The following CACNG5 variants were observed in gnomAD, a reference collection of about 807,000 sequenced individuals.
CACNG5 encodes the protein voltage-dependent calcium channel gamma-5 subunit.
CACNG5 carries 18 observed loss-of-function variants against 24.8 expected under a neutral mutation model. The observed-to-expected ratio is 0.73, with a 90% CI of 0.50 to 1.08. The LOEUF (loss-of-function observed/expected upper bound fraction) is 1.08. CACNG5 is among the 50% of genes least tolerant of loss of function. CACNG5 has a pLI of 0.00. For synonymous variants in CACNG5, 157 were observed against 149.1 expected (o/e 1.05, Z -0.39); for missense variants, 349 against 367.9 (o/e 0.95, Z 0.42).
Position 66,885,313 on chromosome 17 carries a change from G to A in CACNG5, c.*73G>A. On this transcript the variant is annotated 3_prime_UTR_variant, in exon 6 of 6. Transcript: ENST00000533854. ...CCTGTTCTCTCCAGGTGACCCCTGA[G>A]CCCCAGGCCTGTGGTTGACAGGCCC... The A allele has an allele frequency of 6.7e-7, 1 of 1,499,132 alleles. No homozygotes were observed. Among genetic ancestry groups the A allele is most frequent in the Non-Finnish European group, 8.8e-7 (1 of 1,130,438 alleles). The allele number at this position is 1,499,132 out of a possible 1,614,324, so 92.9% of individuals were successfully genotyped here.
chr17:66,867,732 T>C (rs1489125864), intron 1 of CACNG5, among the ~76,000 whole-genome samples: 1 of 152,226 alleles, frequency 6.6e-6, no homozygotes, highest in Non-Finnish European at 1.5e-5. Context: ...TAGGGAATCC[T>C]TTCCCCATTG....
intron 1 of CACNG5, among the ~76,000 whole-genome samples, chr17:66,848,611 T>C (rs1369999157): frequency 1.3e-5 from 2 of 152,228 alleles, no homozygotes; most frequent in African/African-American, 4.8e-5. Context: ...TGCTCAGTTT[T>C]GAAGGCGTTT....
intron 1 of CACNG5, among the ~76,000 whole-genome samples, chr17:66,870,748 G>A (rs1417902003): frequency 6.6e-6 from 1 of 152,150 alleles, no homozygotes; most frequent in Non-Finnish European, 1.5e-5. Context: ...AGAGGCCGAG[G>A]CAGGTGAATC....
Position 66,885,033 on chromosome 17 carries a change from G to A in CACNG5, c.621G>A (p.Glu207=). ...VYLFMKRYTA[E]DMYRPHPGFY... Reference sequence around the variant, plus strand: ...TGTTTATGAAGCGGTACACCGCGGAGGACATGTACAGGCCCCACCCTGGCT... The same window carrying A: ...TGTTTATGAAGCGGTACACCGCGGAAGACATGTACAGGCCCCACCCTGGCT... The change falls in exon 6 of 6, where the codon GAG becomes GAA. Residue 207 remains glutamate (E), a synonymous_variant. Transcript: ENST00000533854. 1.2e-6 allele frequency: 2 copies of A among 1,614,190 alleles called. No individual in the cohort carries two copies. Among genetic ancestry groups the A allele is most frequent in the Non-Finnish European group, 8.5e-7 (1 of 1,180,022 alleles).
chr17:66,885,617 A>G lies in CACNG5; in HGVS notation c.*377A>G, dbSNP rs1385574116. The G allele has an allele frequency of 4.6e-6, 1 of 218,606 alleles. No homozygotes were observed. Among genetic ancestry groups the G allele is most frequent in the Non-Finnish European group, 9.0e-6 (1 of 110,906 alleles). The allele number at this position is 218,606 out of a possible 1,614,324, so 13.5% of individuals were successfully genotyped here. On this transcript the variant is annotated 3_prime_UTR_variant, in exon 6 of 6. Coordinates refer to ENST00000533854, the MANE Select transcript of CACNG5 (RefSeq NM_145811.3). ...GCCCTGGGCCAGGGCCAGCTCTGAG[A>G]TGCCAAGCTCCTTACACAGATGCAG...
intron 4 of CACNG5, 86 bp from the exon 5 acceptor site, chr17:66,884,430 T>C: frequency 7.0e-7 from 1 of 1,433,552 alleles, no homozygotes; most frequent in Non-Finnish European, 9.4e-7. Flanking sequence ...GCTTTGCTCC[T>C]GAATTGCAAA....
chr17:66,865,214 T>A (rs1976912851), intron 1 of CACNG5, among the ~76,000 whole-genome samples: 1 of 152,234 alleles, frequency 6.6e-6, no homozygotes, highest in Non-Finnish European at 1.5e-5. Flanking sequence ...CTGTTTATTT[T>A]TTAATGTTAT....
chr17:66,844,112 G>A (rs1315303848), intron 1 of CACNG5, among the ~76,000 whole-genome samples: 1 of 152,182 alleles, frequency 6.6e-6, no homozygotes, highest in South Asian at 2.1e-4. Flanking sequence ...CAGGATGATA[G>A]AGTAATGCTA....
In CACNG5 at chr17:66,887,007, C is replaced by T. The variant is rs988907976; in HGVS notation, c.*1767C>T. On this transcript the variant is annotated 3_prime_UTR_variant, in exon 6 of 6. Coordinates refer to ENST00000533854, the MANE Select transcript of CACNG5 (RefSeq NM_145811.3). ...GTCAGATTGGATTCGGGTCCATCCC[C>T]GATTAATTGGTGGTTAATTTTCATG... 1.3e-5 allele frequency among the ~76,000 whole-genome samples: 2 copies of T among 152,108 alleles called. No individual in the cohort carries two copies. The highest frequency in any genetic ancestry group is 1.3e-4 in the Admixed American group (2 of 15,276).
intron 1 of CACNG5, among the ~76,000 whole-genome samples, chr17:66,868,206 G>A (rs1976955576): frequency 1.3e-5 from 2 of 152,136 alleles, no homozygotes; most frequent in Admixed American, 1.3e-4. Context: ...GGTCCCTACG[G>A]AAAATGGACC....
At chr17:66,837,417 A>G (rs1039569326) in intron 1 of CACNG5, among the ~76,000 whole-genome samples, 1 of 152,174 alleles carries the variant, frequency 6.6e-6, no homozygotes. Flanking sequence ...GCCCCGAGCC[A>G]TTGGTGTCCT....
rs1476738142 is a variant in CACNG5, at chr17:66,891,252, T to G, written c.*6012T>G. 1.3e-5 allele frequency among the ~76,000 whole-genome samples: 2 copies of G among 152,146 alleles called. No individual in the cohort carries two copies. Among genetic ancestry groups the G allele is most frequent in the African/African-American group, 4.8e-5 (2 of 41,416 alleles). ...TCACATGCCCATTCCTAAACCACAA[T>G]CTGGCAAGGGGAACAGGGTGGCCAT... On this transcript the variant is annotated 3_prime_UTR_variant, in exon 6 of 6. Coordinates refer to ENST00000533854, the MANE Select transcript of CACNG5 (RefSeq NM_145811.3).
At chr17:66,865,496 CAGT>C (rs1359509575) in intron 1 of CACNG5, among the ~76,000 whole-genome samples, 2 of 152,110 alleles carry the variant, frequency 1.3e-5, no homozygotes, top group African/African-American at 4.8e-5. Context: ...TCCAAATTCT[CAGT>C]AGAAATAGGG....
At chr17:66,853,832 T>G (rs1475054361) in intron 1 of CACNG5, among the ~76,000 whole-genome samples, 1 of 152,286 alleles carries the variant, frequency 6.6e-6, no homozygotes, top group East Asian at 1.9e-4. Context: ...TCAACAAATA[T>G]CATATGTAAC....
In CACNG5 at chr17:66,884,420, G is replaced by A. The variant is rs754861485; in HGVS notation, c.425-96G>A. ...GAGCATTGTTACCCCAAGGCTGGTGGCTTTGCTCCTGAATTGCAAAGGGAG... is the reference window on the plus strand; with the variant it reads ...GAGCATTGTTACCCCAAGGCTGGTGACTTTGCTCCTGAATTGCAAAGGGAG... On this transcript the variant is annotated intron_variant, in intron 4 of 5. Coordinates refer to ENST00000533854, the MANE Select transcript of CACNG5 (RefSeq NM_145811.3). 1.5e-5 allele frequency: 19 copies of A among 1,298,178 alleles called. No homozygotes were observed. The Admixed American group carries it at 2.6e-4, about 18-fold the overall frequency. 80.4% of individuals were successfully genotyped at this position (1,298,178 alleles called of 1,614,324 possible).
intron 1 of CACNG5, among the ~76,000 whole-genome samples, chr17:66,875,718 C>T (rs544284834): frequency 3.3e-5 from 5 of 152,292 alleles, no homozygotes; most frequent in Non-Finnish European, 5.9e-5. Context: ...TGGACTGCAC[C>T]GAAGCACTGC....
chr17:66,893,566 C>G lies in CACNG5; in HGVS notation c.*8326C>G, dbSNP rs552964874. 6.6e-6 allele frequency among the ~76,000 whole-genome samples: 1 copy of G among 152,294 alleles called. No individual in the cohort carries two copies. The highest frequency in any genetic ancestry group is 2.1e-4 in the South Asian group (1 of 4,822). ...TGTGGTTAGGGGTCATCTGATGCATCCTACCAACGTGACCCCAAGGAAAGT... is the reference window on the plus strand; with the variant it reads ...TGTGGTTAGGGGTCATCTGATGCATGCTACCAACGTGACCCCAAGGAAAGT... On this transcript the variant is annotated 3_prime_UTR_variant, in exon 6 of 6. Transcript: ENST00000533854.
chr17:66,858,690 C>A (rs1216945917), intron 1 of CACNG5, among the ~76,000 whole-genome samples: 3 of 150,236 alleles, frequency 2.0e-5, no homozygotes, highest in Non-Finnish European at 3.0e-5. Context: ...TCCCTCCCCC[C>A]ACCTTCTCAC....
chr17:66,848,373 C>T (rs772690358), intron 1 of CACNG5, among the ~76,000 whole-genome samples: 7 of 152,300 alleles, frequency 4.6e-5, no homozygotes, highest in African/African-American at 7.2e-5. Context: ...GACAGCACAC[C>T]GTTGAATGTC....
Sources: gnomAD v4.1 joint callset for allele counts (sites outside exome capture counted in the v4.1 genomes callset) on GRCh38, gnomAD v4.1.1 for gene constraint, MANE v1.5 for transcripts, NCBI Gene and HGNC (gene_info 2026-07-23, HGNC 2026-07-21) for gene names.